ANTXR2: variants seen among roughly 807,000 people sequenced by gnomAD.
ANTXR2 encodes anthrax toxin receptor 2.
In ANTXR2, 44 loss-of-function variants were observed where a neutral mutation model predicts 73.7. The observed-to-expected ratio is 0.60, with a 90% CI of 0.47 to 0.77. The LOEUF (loss-of-function observed/expected upper bound fraction) is 0.77. Among genes scored for constraint, ANTXR2 ranks in the 30% least tolerant of loss-of-function variants. The pLI, the probability that ANTXR2 is intolerant of heterozygous loss-of-function variation, is 0.00. For synonymous variants in ANTXR2, 217 were observed against 205.9 expected, an observed-to-expected ratio of 1.05 and a Z score of -0.46; for missense variants, 604 against 592.5, an observed-to-expected ratio of 1.02 and a Z score of -0.20.
chr4:79,959,864 T>C (rs13120269), intron 16 of ANTXR2, among the ~76,000 whole-genome samples: 83,519 of 152,084 alleles, frequency 0.55, 26,000 homozygotes, highest in East Asian at 0.96. Context: ...AAGAATGATG[T>C]CTAACGACGT....
intron 16 of ANTXR2, among the ~76,000 whole-genome samples, chr4:79,910,433 C>T (rs562620394): frequency 2.4e-4 from 36 of 149,540 alleles, no homozygotes; most frequent in African/African-American, 8.4e-4. Context: ...CGCTTGAACC[C>T]GGGAGGCGGA....
At position 79,902,346 on chromosome 4, in the gene ANTXR2, A is replaced by G. The variant is rs1451560522; in HGVS notation, c.*5083T>C. On this transcript the variant is annotated 3_prime_UTR_variant, in exon 17 of 17. Transcript: ENST00000403729. ...GCTGTGTTCAAATTACTTACTTAGT[A>G]AAGTATTTTCCACTGAATACTTGCT... is the stretch of plus-strand genomic sequence containing the variant. 6.6e-6 allele frequency: 1 copy of G among 152,146 alleles called. No individual in the cohort carries two copies. The highest frequency in any genetic ancestry group is 2.4e-5 in the African/African-American group (1 of 41,436). 9.4% of individuals were successfully genotyped at this position (152,146 alleles called of 1,614,324 possible).
intron 3 of ANTXR2, 68 bp downstream of exon 3, chr4:80,069,368 G>T: frequency 7.8e-7 from 1 of 1,290,004 alleles, no homozygotes; most frequent in Non-Finnish European, 1.1e-6. Flanking sequence ...TCACCACTTG[G>T]AAATATCAAT....
chr4:79,917,271 G>A (rs1008506450), intron 16 of ANTXR2, among the ~76,000 whole-genome samples: 3 of 152,026 alleles, frequency 2.0e-5, no homozygotes, highest in African/African-American at 7.3e-5. Flanking sequence ...CTTCTCAAAG[G>A]GAATAGAAGC....
intron 9 of ANTXR2, among the ~76,000 whole-genome samples, chr4:80,033,143 G>A (rs921657499): frequency 6.6e-6 from 1 of 151,900 alleles, no homozygotes; most frequent in African/African-American, 2.4e-5. Context: ...AGTACAGTCA[G>A]GAAAAGTGGG....
intron 6 of ANTXR2, 108 bp downstream of exon 6, chr4:80,055,042 T>G (rs1733927953): frequency 9.8e-7 from 1 of 1,016,436 alleles, no homozygotes; most frequent in South Asian, 1.6e-5. Flanking sequence ...TAAAAAATCT[T>G]TAACAATCGA....
rs1461528370 is a variant in ANTXR2 at position 79,907,155 on chromosome 4, C to T, written c.*274G>A. ...TTCAAACAAACTTTCTTGTACAAACCATAGTCTGCAGGTCAATGTTCCTCT... is the reference window on the plus strand; with the variant it reads ...TTCAAACAAACTTTCTTGTACAAACTATAGTCTGCAGGTCAATGTTCCTCT... On this transcript the variant is annotated 3_prime_UTR_variant, in exon 17 of 17. Transcript: ENST00000403729. 4 of 494,388 alleles carry T rather than the reference C, an allele frequency of 8.1e-6. No individual in the cohort carries two copies. The highest frequency in any genetic ancestry group is 2.0e-5 in the African/African-American group (1 of 49,192). 30.6% of individuals were successfully genotyped at this position (494,388 alleles called of 1,614,324 possible).
intron 7 of ANTXR2, among the ~76,000 whole-genome samples, chr4:80,048,412 T>C (rs1172555402): frequency 6.6e-6 from 1 of 151,682 alleles, no homozygotes; most frequent in Non-Finnish European, 1.5e-5. Context: ...AATAATCTGA[T>C]ATACAGTTAT....
chr4:79,998,810 C>T (rs1357668822), intron 12 of ANTXR2, among the ~76,000 whole-genome samples: 2 of 151,976 alleles, frequency 1.3e-5, no homozygotes, highest in Non-Finnish European at 2.9e-5. Flanking sequence ...GAACTCTTCC[C>T]TTCATGGAAC....
chr4:79,993,489 C>G (rs756621162), intron 12 of ANTXR2, among the ~76,000 whole-genome samples: 2 of 151,786 alleles, frequency 1.3e-5, no homozygotes, highest in Non-Finnish European at 2.9e-5. Context: ...CTTAAATGTA[C>G]CTAGTACAAC....
intron 1 of ANTXR2, 44 bp from the exon 2 acceptor site, chr4:80,071,698 C>A: frequency 1.3e-6 from 2 of 1,481,998 alleles, no homozygotes; most frequent in Non-Finnish European, 1.9e-6. Context: ...AAACACGGAA[C>A]TGAAAAGTAA....
intron 14 of ANTXR2, 52 bp from the exon 15 acceptor site, chr4:79,978,226 A>T: frequency 6.4e-7 from 1 of 1,555,754 alleles, no homozygotes; most frequent in Non-Finnish European, 8.8e-7. Context: ...TCCTAGAGGA[A>T]CAGGCTCTTA....
intron 3 of ANTXR2, among the ~76,000 whole-genome samples, chr4:80,061,252 G>A (rs759214793): frequency 6.6e-6 from 1 of 150,742 alleles, no homozygotes; most frequent in Non-Finnish European, 1.5e-5. Context: ...CCTAGACCCA[G>A]ATTTTAAAAA....
At chr4:79,919,898 TATATATATATATATATATATATAAAAA>T (rs1727518376) in intron 16 of ANTXR2, among the ~76,000 whole-genome samples, 1 of 16,692 alleles carries the variant, frequency 6.0e-5, no homozygotes, top group African/African-American at 2.7e-4. Flanking sequence ...TATATATATA[TATATATATATATATATATATATAAAAA>T]ATGATAGGGC....
intron 16 of ANTXR2, among the ~76,000 whole-genome samples, chr4:79,946,426 C>CAGAGGTAACAGAG (rs1728515708): frequency 6.6e-6 from 1 of 152,160 alleles, no homozygotes; most frequent in Admixed American, 6.6e-5. Flanking sequence ...GAGGTCTCAG[C>CAGAGGTAACAGAG]CAATCCCGGG....
At chr4:80,007,108 C>T (rs985990720) in intron 12 of ANTXR2, among the ~76,000 whole-genome samples, 1 of 152,050 alleles carries the variant, frequency 6.6e-6, no homozygotes, top group Non-Finnish European at 1.5e-5. Context: ...TATGCCTCCT[C>T]CATGGGCCAA....
intron 12 of ANTXR2, among the ~76,000 whole-genome samples, chr4:79,997,078 T>G (rs1448742916): frequency 6.6e-6 from 1 of 151,484 alleles, no homozygotes; most frequent in East Asian, 1.9e-4. Flanking sequence ...AAAAAAAAAG[T>G]TAGCTGCTTC....
chr4:80,002,784 T>C (rs1731111026), intron 12 of ANTXR2, among the ~76,000 whole-genome samples: 2 of 151,684 alleles, frequency 1.3e-5, no homozygotes, highest in East Asian at 1.9e-4. Flanking sequence ...AGAAGACATT[T>C]ATGCAGCCAA....
chr4:79,990,200 T>C (rs1730396484), intron 12 of ANTXR2, among the ~76,000 whole-genome samples: 1 of 147,012 alleles, frequency 6.8e-6, no homozygotes, highest in African/African-American at 2.4e-5. Context: ...TTATCCTTCT[T>C]CACCAATAAT....
Sources: gnomAD v4.1 joint callset for allele counts (sites outside exome capture counted in the v4.1 genomes callset) on GRCh38, gnomAD v4.1.1 for gene constraint, MANE v1.5 for transcripts, NCBI Gene and HGNC (gene_info 2026-07-23, HGNC 2026-07-21) for gene names.